Variants in COL18A1 observed in about 807,000 individuals in gnomAD.
COL18A1 encodes collagen type XVIII alpha 1 chain, also known as collagen alpha-1(XVIII) chain.
Under a neutral mutation model 168.0 loss-of-function variants are expected in COL18A1, and 133 were observed. The observed-to-expected ratio is 0.79, with a 90% CI of 0.69 to 0.91. The LOEUF (loss-of-function observed/expected upper bound fraction) is 0.91, where lower values mean the gene tolerates loss of function less well. Among genes scored for constraint, COL18A1 ranks in the 40% least tolerant of loss-of-function variants. The probability of loss-of-function intolerance (pLI) is 0.00; values close to 1 mark genes in which losing one functional copy is unlikely to be tolerated. For synonymous variants in COL18A1, 949 were observed against 809.0 expected (o/e 1.17, Z -2.94); for missense variants, 2,126 against 1,925.4 (o/e 1.10, Z -1.95).
intron 40 of COL18A1, among the ~76,000 whole-genome samples, chr21:45,510,908 C>T (rs1393560908): frequency 6.6e-6 from 1 of 152,042 alleles, no homozygotes; most frequent in African/African-American, 2.4e-5. Flanking sequence ...AGGACATGCC[C>T]AGGGGCTGCA....
At position 45,491,235 on chromosome 21, in the gene COL18A1, G is replaced by A; in HGVS notation, c.2078G>A (p.Gly693Glu). 1 of 1,612,166 alleles carries A rather than the reference G, an allele frequency of 6.2e-7. No homozygotes were observed. The highest frequency in any genetic ancestry group is 2.2e-5 in the East Asian group (1 of 44,850). The change falls in exon 22 of 42, where the codon GGG becomes GAG. Residue 693 changes from glycine to glutamate, a missense_variant. Gly to Glu is a moderately conservative substitution (Grantham distance 98, BLOSUM62 -2). Transcript: ENST00000651438. ...GGCCTCCTCTTCCAGGGAGATCCAG[G>A]GAAGGACGGAGTCGGGCAGCCGGGC... is the stretch of plus-strand genomic sequence containing the variant. ...RGSRGEKGDP[G>E]KDGVGQPGLP...
intron 2 of COL18A1, among the ~76,000 whole-genome samples, chr21:45,413,082 G>A (rs2033345619): frequency 6.6e-6 from 1 of 152,142 alleles, no homozygotes; most frequent in African/African-American, 2.4e-5. Flanking sequence ...GTGTCCTGCT[G>A]ACAGCCCTCT....
chr21:45,431,822 C>T (rs945637454), intron 2 of COL18A1, among the ~76,000 whole-genome samples: 12 of 152,260 alleles, frequency 7.9e-5, no homozygotes, highest in Non-Finnish European at 1.8e-4. Flanking sequence ...GGCAGCAGAG[C>T]CCCTGCTCTC....
At position 45,510,965 on chromosome 21, in the gene COL18A1, ACCCCCAAACACCCCCCACACCC is replaced by A. The variant is rs2037551988; in HGVS notation, c.3694-144_3694-123del. 16 of 31,442 alleles carry A rather than the reference ACCCCCAAACACCCCCCACACCC, an allele frequency of 5.1e-4. 4 individuals carry two copies. The highest frequency in any genetic ancestry group is 4.2e-3 in the Admixed American group (11 of 2,598). The allele number at this position is 31,442 out of a possible 1,614,324, so 1.9% of individuals were successfully genotyped here. ...CACACACCCACAACACCCCACATAC[ACCCCCAAACACCCCCCACACCC>A]CACACACACAACACACCCCCCCCCC... On this transcript the variant is annotated intron_variant, in intron 40 of 41. Transcript: ENST00000651438.
At chr21:45,504,679 C>T (rs2037080425) in intron 34 of COL18A1, 123 bp downstream of exon 34, 5 of 827,452 alleles carry the variant, frequency 6.0e-6, no homozygotes, top group Non-Finnish European at 7.7e-6. Context: ...AGCTCAGCAG[C>T]CCCGACATGT....
rs768811791 is a variant in COL18A1, at chr21:45,476,394, C to G, written c.842C>G (p.Thr281Ser). 1.5e-5 allele frequency: 25 copies of G among 1,614,176 alleles called. No homozygotes were observed. Among genetic ancestry groups the G allele is most frequent in the Non-Finnish European group, 2.1e-5 (25 of 1,180,034 alleles). The change falls in exon 6 of 42, where the codon ACC (threonine) becomes AGC (serine). Residue 281 changes from threonine (T) to serine (S), a missense_variant. Physicochemically the swap from Thr to Ser is moderately conservative, Grantham distance 58. Coordinates refer to ENST00000651438, the MANE Select transcript of COL18A1 (RefSeq NM_001379500.1). ...KPRLPAPPPV[T>S]TPPLAGGSST... The stretch of plus-strand genomic sequence containing the variant: ...AGGCTCCCCGCGCCACCCCCCGTCA[C>G]CACGCCACCCTTGGCTGGAGGCAGC...
At chr21:45,491,451 C>G in intron 22 of COL18A1, 137 bp downstream of exon 22, 1 of 463,792 alleles carries the variant, frequency 2.2e-6, no homozygotes, top group Non-Finnish European at 3.9e-6. Context: ...CACTCCACCT[C>G]CTCGGTGGGG....
chr21:45,481,566 A>G (rs2085863897), intron 13 of COL18A1, among the ~76,000 whole-genome samples: 1 of 152,212 alleles, frequency 6.6e-6, no homozygotes, highest in Admixed American at 6.5e-5. Context: ...CACCGTCACC[A>G]TCGGCTCTGA....
intron 2 of COL18A1, among the ~76,000 whole-genome samples, chr21:45,409,257 G>T (rs1241610549): frequency 6.6e-6 from 1 of 152,178 alleles, no homozygotes; most frequent in Non-Finnish European, 1.5e-5. Context: ...AGTGGCAGAC[G>T]GCGCAGGGTC....
At position 45,505,242 on chromosome 21, in the gene COL18A1, C is replaced by T. The variant is rs778025746; in HGVS notation, c.2977C>T (p.Pro993Ser). Residue 993 changes from proline (P) to serine (S), a missense_variant, in exon 35 of 42, where the codon CCA (proline) becomes TCA (serine). Transcript: ENST00000651438. ...GGGCCCTCCCGGCCCCCCAGGCCCCCCAGGGCCCCCTTCATTTCCTGGCCC... is the reference window on the plus strand; with the variant it reads ...GGGCCCTCCCGGCCCCCCAGGCCCCTCAGGGCCCCCTTCATTTCCTGGCCC... ...RQGPPGPPGP[P>S]GPPSFPGPHR... 6.2e-7 allele frequency: 1 copy of T among 1,603,378 alleles called. No homozygotes were observed.
intron 2 of COL18A1, chr21:45,422,356 G>A (rs2123550921): frequency 2.3e-6 from 1 of 434,988 alleles, no homozygotes. Context: ...GGGCTTGGTG[G>A]GCAGGCATTT....
intron 2 of COL18A1, among the ~76,000 whole-genome samples, chr21:45,458,879 G>C (rs77870115): frequency 6.6e-6 from 1 of 152,206 alleles, no homozygotes. Flanking sequence ...GGAAGGTGCC[G>C]GTCTCCTGGG....
chr21:45,436,367 G>A (rs969514248), intron 2 of COL18A1, among the ~76,000 whole-genome samples: 2 of 152,226 alleles, frequency 1.3e-5, no homozygotes, highest in African/African-American at 4.8e-5. Context: ...AAGCCTGCGT[G>A]AGCTGGGCAG....
At chr21:45,427,116 C>T (rs914002574) in intron 2 of COL18A1, among the ~76,000 whole-genome samples, 1 of 152,190 alleles carries the variant, frequency 6.6e-6, no homozygotes, top group Admixed American at 6.5e-5. Flanking sequence ...CTCTCCGGAG[C>T]GTGTGTAGGG....
At chr21:45,474,436 G>GGTGTGTCTCTGTGTGTA (rs1350258730) in intron 4 of COL18A1, among the ~76,000 whole-genome samples, 1 of 135,714 alleles carries the variant, frequency 7.4e-6, no homozygotes, top group Non-Finnish European at 1.5e-5. Flanking sequence ...GTGTGTCTGT[G>GGTGTGTCTCTGTGTGTA]GTGTGTCTCT....
intron 2 of COL18A1, among the ~76,000 whole-genome samples, chr21:45,452,488 T>C (rs543449226): frequency 1.4e-5 from 2 of 144,034 alleles, no homozygotes; most frequent in East Asian, 1.9e-4. Context: ...TGTGTTTCTG[T>C]ATGCATGTGT....
Position 45,486,965 on chromosome 21 carries a change from C to CCCAGGA in COL18A1, c.1814_1819dup (p.Pro605_Gly606dup). 1 of 1,510,234 alleles carries CCCAGGA rather than the reference C, an allele frequency of 6.6e-7. No individual in the cohort carries two copies. Among genetic ancestry groups the CCCAGGA allele is most frequent in the Non-Finnish European group, 8.8e-7 (1 of 1,134,712 alleles). The allele number at this position is 1,510,234 out of a possible 1,614,324, so 93.6% of individuals were successfully genotyped here. A position where few individuals can be genotyped will look rare whatever the true frequency, so the allele number is the denominator to read the frequency against. ...CAGGCCCCCCTGGGCCCCCTGGGCC[C>CCCAGGA]CCAGGACCAGGACTCCCCGCTGGAT... On this transcript the variant is annotated inframe_insertion, in exon 16 of 42. Transcript: ENST00000651438.
intron 36 of COL18A1, 104 bp from the exon 37 acceptor site, chr21:45,505,734 C>T: frequency 1.0e-6 from 1 of 960,502 alleles, no homozygotes; most frequent in Non-Finnish European, 1.6e-6. Flanking sequence ...CTGTCCAAAG[C>T]CCTGCGGCCC....
chr21:45,483,264 C>T (rs1429654206), intron 15 of COL18A1, among the ~76,000 whole-genome samples: 4 of 152,154 alleles, frequency 2.6e-5, no homozygotes, highest in South Asian at 2.1e-4. Context: ...CCCATCCACC[C>T]GTCCCGCAGG....
Sources: gnomAD v4.1 joint callset for allele counts (sites outside exome capture counted in the v4.1 genomes callset) on GRCh38, gnomAD v4.1.1 for gene constraint, MANE v1.5 for transcripts, NCBI Gene and HGNC (gene_info 2026-07-23, HGNC 2026-07-21) for gene names.